Variants in NEO1 observed in about 807,000 individuals in gnomAD.
The protein encoded by NEO1 is neogenin 1.
A neutral mutation model predicts 159.7 loss-of-function variants in NEO1; 63 were observed. The observed-to-expected ratio is 0.39, with a 90% CI of 0.32 to 0.49. The LOEUF is 0.49. Ranked by LOEUF, NEO1 falls within the 20% of genes least tolerant of loss-of-function variation. The pLI is 0.85. For synonymous variants in NEO1, 633 were observed against 662.0 expected, an observed-to-expected ratio of 0.96 and a Z score of 0.67; for missense variants, 1,615 against 1,831.0, an observed-to-expected ratio of 0.88 and a Z score of 2.15.
At chr15:73,145,591 T>C (rs1248220184) in intron 5 of NEO1, among the ~76,000 whole-genome samples, 2 of 152,196 alleles carry the variant, frequency 1.3e-5, no homozygotes, top group African/African-American at 4.8e-5. Context: ...AATACAATGC[T>C]TCCTACAAAA....
At chr15:73,129,363 G>T (rs190850239) in intron 4 of NEO1, among the ~76,000 whole-genome samples, 4 of 151,998 alleles carry the variant, frequency 2.6e-5, no homozygotes, top group Admixed American at 2.6e-4. Context: ...AAAGAAAAAA[G>T]TGGCTAGAAA....
At chr15:73,125,883 A>T (rs547823614) in intron 3 of NEO1, among the ~76,000 whole-genome samples, 1 of 148,944 alleles carries the variant, frequency 6.7e-6, no homozygotes, top group Non-Finnish European at 1.5e-5. Flanking sequence ...AAGGAAAGGA[A>T]ACCTCTTATC....
intron 5 of NEO1, among the ~76,000 whole-genome samples, chr15:73,151,715 G>C (rs2033386670): frequency 6.6e-6 from 1 of 152,148 alleles, no homozygotes; most frequent in African/African-American, 2.4e-5. Flanking sequence ...CCATGATTCA[G>C]TTACCTCCCA....
chr15:73,111,592 ATATTTATT>A (rs769214653), intron 1 of NEO1, among the ~76,000 whole-genome samples: 6 of 151,976 alleles, frequency 3.9e-5, no homozygotes, highest in Non-Finnish European at 7.4e-5. Flanking sequence ...TAAAGGTATA[ATATTTATT>A]TATTTATTTA....
At chr15:73,117,677 C>G in intron 2 of NEO1, among the ~76,000 whole-genome samples, 1 of 152,180 alleles carries the variant, frequency 6.6e-6, no homozygotes, top group East Asian at 1.9e-4. Context: ...CATGCTCACT[C>G]CAGAGTATAT....
At chr15:73,237,960 A>G (rs903601461) in intron 8 of NEO1, among the ~76,000 whole-genome samples, 3 of 152,172 alleles carry the variant, frequency 2.0e-5, no homozygotes, top group African/African-American at 4.8e-5. Flanking sequence ...CTTCTTATCT[A>G]TCATCTTTAG....
At chr15:73,210,446 A>G (rs1405393332) in intron 7 of NEO1, among the ~76,000 whole-genome samples, 3 of 152,228 alleles carry the variant, frequency 2.0e-5, no homozygotes, top group Admixed American at 6.5e-5. Flanking sequence ...GGGGCCAACT[A>G]AATTGTCAAA....
chr15:73,133,413 G>A (rs1042371567), intron 4 of NEO1, among the ~76,000 whole-genome samples: 3 of 152,096 alleles, frequency 2.0e-5, no homozygotes, highest in Admixed American at 2.0e-4. Flanking sequence ...GGTGGGAGGC[G>A]GGTGAGGGAT....
intron 18 of NEO1, among the ~76,000 whole-genome samples, chr15:73,270,817 GC>G (rs1217019918): frequency 3.3e-5 from 5 of 152,248 alleles, no homozygotes; most frequent in Admixed American, 2.6e-4. Flanking sequence ...CCCCAAAGCT[GC>G]CTCTGCAGTT....
chr15:73,083,520 G>A (rs2069185761), intron 1 of NEO1, among the ~76,000 whole-genome samples: 2 of 152,152 alleles, frequency 1.3e-5, no homozygotes, highest in Admixed American at 6.5e-5. Flanking sequence ...ATTATCATTG[G>A]ACAGTGCAAG....
intron 7 of NEO1, among the ~76,000 whole-genome samples, chr15:73,209,514 T>G (rs1336307386): frequency 6.6e-6 from 1 of 152,246 alleles, no homozygotes; most frequent in African/African-American, 2.4e-5. Flanking sequence ...GTTTTTTGAT[T>G]GCTTTCTTTG....
chr15:73,051,991 A>G (rs576462762), upstream of NEO1: 711 of 149,046 alleles, frequency 4.8e-3, 30 homozygotes, highest in Admixed American at 0.043. Context: ...GCATCTGGGG[A>G]GGTGAGGGGG....
chr15:73,127,117 G>C (rs904445084), intron 4 of NEO1, among the ~76,000 whole-genome samples: 2 of 152,100 alleles, frequency 1.3e-5, no homozygotes, highest in East Asian at 3.9e-4. Flanking sequence ...TGTAGTCCCA[G>C]CTACTCGGGA....
At chr15:73,070,324 T>C (rs1375787546) in intron 1 of NEO1, among the ~76,000 whole-genome samples, 2 of 152,210 alleles carry the variant, frequency 1.3e-5, no homozygotes, top group Non-Finnish European at 2.9e-5. Flanking sequence ...GTTCAGGTGT[T>C]AGAACATCTG....
At chr15:73,052,297 C>A (rs1433015510), upstream of NEO1, among the ~76,000 whole-genome samples, 1 of 138,964 alleles carries the variant, frequency 7.2e-6, no homozygotes, top group African/African-American at 2.6e-5. Context: ...GGGACTCCCG[C>A]CCCCCGCCCC....
At chr15:73,152,009 TAGTC>T (rs2033410501) in intron 5 of NEO1, among the ~76,000 whole-genome samples, 1 of 152,212 alleles carries the variant, frequency 6.6e-6, no homozygotes, top group Non-Finnish European at 1.5e-5. Flanking sequence ...CCTATTGTAT[TAGTC>T]AGGGTTATCC....
At chr15:73,214,449 T>C (rs528860737) in intron 7 of NEO1, among the ~76,000 whole-genome samples, 18 of 152,204 alleles carry the variant, frequency 1.2e-4, no homozygotes, top group African/African-American at 4.8e-5. Context: ...GATTTTCATA[T>C]AAGGTGAGAG....
chr15:73,298,592 A>C lies in NEO1; in HGVS notation c.4146A>C (p.Thr1382=). 6.2e-7 allele frequency: 1 copy of C among 1,614,186 alleles called. No individual in the cohort carries two copies. The highest frequency in any genetic ancestry group is 1.1e-5 in the South Asian group (1 of 91,086). ...CCTATGATCCTGCATTGCCAAGCACACCATTACTGTCCCAGCAAGGTGAGT... is the reference window on the plus strand; with the variant it reads ...CCTATGATCCTGCATTGCCAAGCACCCCATTACTGTCCCAGCAAGGTGAGT... ...PPTYDPALPS[T]PLLSQQALNH... Residue 1382 remains threonine, a synonymous_variant, in exon 27 of 29, where the codon ACA becomes ACC. Transcript: ENST00000261908.
At chr15:73,299,258 A>T (rs527778149) in intron 27 of NEO1, among the ~76,000 whole-genome samples, 1 of 152,316 alleles carries the variant, frequency 6.6e-6, no homozygotes, top group South Asian at 2.1e-4. Context: ...CATATGGGTT[A>T]TATCTATCAA....
Sources: allele counts gnomAD v4.1 joint callset (sites outside exome capture counted in the v4.1 genomes callset), GRCh38; gene constraint gnomAD v4.1.1; transcripts MANE v1.5; gene names NCBI Gene and HGNC (gene_info 2026-07-23, HGNC 2026-07-21).